Variants in EMILIN3 observed in about 807,000 individuals in gnomAD.
EMILIN3 encodes elastin microfibril interfacer 3.
In EMILIN3, 38 loss-of-function variants were observed where a neutral mutation model predicts 42.8. The observed-to-expected ratio is 0.89, with a 90% CI of 0.69 to 1.16. The LOEUF is 1.16. Ranked by LOEUF, EMILIN3 falls within the 50% of genes most tolerant of loss-of-function variation. EMILIN3 has a pLI of 0.00. For synonymous variants in EMILIN3, 430 were observed against 440.5 expected, an observed-to-expected ratio of 0.98 and a Z score of 0.30; for missense variants, 924 against 999.5, an observed-to-expected ratio of 0.92 and a Z score of 1.02.
At position 41,363,693 on chromosome 20, in the gene EMILIN3, C is replaced by A; in HGVS notation, c.459G>T (p.Gln153His). Residue 153 changes from glutamine to histidine, a missense_variant, in exon 3 of 4, where the codon CAG (glutamine) becomes CAT (histidine). By Grantham distance (24) the Gln-to-His change is conservative. Coordinates refer to ENST00000332312, the MANE Select transcript of EMILIN3 (RefSeq NM_052846.2). ...LEPEPQIPSG[Q>H]LDPGPRPPSY... is the part of the protein sequence containing the mutation. Reference sequence around the variant, plus strand: ...AAGGGGGCCTGGGGCCTGGGTCCAGCTGCCCTGAAGGAATCTGAGGCTCAG... The same window carrying A: ...AAGGGGGCCTGGGGCCTGGGTCCAGATGCCCTGAAGGAATCTGAGGCTCAG... The A allele has an allele frequency of 6.2e-7, 1 of 1,613,900 alleles. No individual in the cohort carries two copies. The highest frequency in any genetic ancestry group is 8.5e-7 in the Non-Finnish European group (1 of 1,179,966).
At chr20:41,364,955 T>C in intron 2 of EMILIN3, 80 bp downstream of exon 2, 1 of 1,585,892 alleles carries the variant, frequency 6.3e-7, no homozygotes, top group African/African-American at 1.3e-5. Flanking sequence ...CCTTGTGGAG[T>C]TGGCAGCTGC....
Position 41,362,679 on chromosome 20 carries a change from A to T in EMILIN3, c.890T>A (p.Leu297Gln). ...REAPPSPLTS[L>Q]ALLEEYVDRR... ...GTCCACGTACTCCTCCAGCAGGGCC[A>T]GGGAGGTGAGCGGGGATGGTGGGGC... The change falls in exon 4 of 4, where the codon CTG becomes CAG. Residue 297 changes from leucine (L) to glutamine (Q), a missense_variant. By Grantham distance (113) the Leu-to-Gln change is moderately radical (BLOSUM62 -2). Coordinates refer to ENST00000332312, the MANE Select transcript of EMILIN3 (RefSeq NM_052846.2). 1 of 1,612,610 alleles carries T rather than the reference A, an allele frequency of 6.2e-7. No individual in the cohort carries two copies. The highest frequency in any genetic ancestry group is 8.5e-7 in the Non-Finnish European group (1 of 1,179,972).
intron 2 of EMILIN3, among the ~76,000 whole-genome samples, chr20:41,364,434 C>G (rs1244107582): frequency 6.6e-6 from 1 of 152,182 alleles, no homozygotes; most frequent in Non-Finnish European, 1.5e-5. Flanking sequence ...GTCCAGGGTA[C>G]AGGCAGGCTC....
At chr20:41,365,805 A>G (rs911631215) in intron 1 of EMILIN3, among the ~76,000 whole-genome samples, 1 of 152,228 alleles carries the variant, frequency 6.6e-6, no homozygotes, top group African/African-American at 2.4e-5. Context: ...AACTGAGGCC[A>G]GTTCGCAAGC....
Position 41,360,116 on chromosome 20 carries a change from G to C in EMILIN3, c.*1152C>G, listed in dbSNP as rs1169332551. ...CCGTGCTGCTGTGGGGGAAACTGAGGCTGGGAGCCTCAGCAGAGACCGGTG... is the reference window on the plus strand; with the variant it reads ...CCGTGCTGCTGTGGGGGAAACTGAGCCTGGGAGCCTCAGCAGAGACCGGTG... On this transcript the variant is annotated 3_prime_UTR_variant, in exon 4 of 4. Coordinates refer to ENST00000332312, the MANE Select transcript of EMILIN3 (RefSeq NM_052846.2). The C allele has an allele frequency of 2.6e-5, 4 of 152,628 alleles. No individual in the cohort carries two copies. 9.5% of individuals were successfully genotyped at this position (152,628 alleles called of 1,614,324 possible).
rs944091366 is a variant in EMILIN3, at chr20:41,362,985, T to A, written c.584A>T (p.Gln195Leu). The change falls in exon 4 of 4, where the codon CAA becomes CTA. Residue 195 changes from glutamine (Q) to leucine (L), a missense_variant. Coordinates refer to ENST00000332312, the MANE Select transcript of EMILIN3 (RefSeq NM_052846.2). ...RLEGDVQRLA[Q>L]TYGTLSGLVA... ...CAGGCCACTGAGGGTACCATATGTT[T>A]GAGCCAGGCGCTGGACATCACCCTC... The A allele has an allele frequency of 9.9e-6, 16 of 1,611,778 alleles. 1 individual carries two copies. The highest frequency in any genetic ancestry group is 1.3e-5 in the African/African-American group (1 of 74,914).
Position 41,361,987 on chromosome 20 carries a change from C to T in EMILIN3, c.1582G>A (p.Ala528Thr). ...ETSCTPSTTS[A>T]ILDSLVAEVK... ...TCTGCCACGAGGCTGTCCAGGATGGCTGAGGTGGTGCTCGGGGTGCACGAA... is the reference window on the plus strand; with the variant it reads ...TCTGCCACGAGGCTGTCCAGGATGGTTGAGGTGGTGCTCGGGGTGCACGAA... The change falls in exon 4 of 4, where the codon GCC (alanine) becomes ACC (threonine). Residue 528 changes from alanine (A) to threonine (T), a missense_variant. Coordinates refer to ENST00000332312, the MANE Select transcript of EMILIN3 (RefSeq NM_052846.2). 6.2e-7 allele frequency: 1 copy of T among 1,611,754 alleles called. No homozygotes were observed. The highest frequency in any genetic ancestry group is 8.5e-7 in the Non-Finnish European group (1 of 1,178,332).
chr20:41,362,881 G>T lies in EMILIN3; in HGVS notation c.688C>A (p.Pro230Thr). 1 of 1,613,728 alleles carries T rather than the reference G, an allele frequency of 6.2e-7. No homozygotes were observed. Among genetic ancestry groups the T allele is most frequent in the Non-Finnish European group, 8.5e-7 (1 of 1,179,778 alleles). ...PAVPVGFGVI[P>T]EGLVGPGDRA... ...TCTCCTGGGCCCACAAGCCCCTCAGGGATGACCCCAAAGCCCACAGGGACA... is the reference window on the plus strand; with the variant it reads ...TCTCCTGGGCCCACAAGCCCCTCAGTGATGACCCCAAAGCCCACAGGGACA... The change falls in exon 4 of 4, where the codon CCT becomes ACT. Residue 230 changes from proline to threonine, a missense_variant. Pro to Thr is a conservative substitution (Grantham distance 38). Coordinates refer to ENST00000332312, the MANE Select transcript of EMILIN3 (RefSeq NM_052846.2).
At position 41,362,010 on chromosome 20, in the gene EMILIN3, G is replaced by C; in HGVS notation, c.1559C>G (p.Ser520Trp). ...LEQRLVSLET[S>W]CTPSTTSAIL... ...GGCTGAGGTGGTGCTCGGGGTGCAC[G>C]AAGTCTCCAGTGAGACCAACCGTTG... The change falls in exon 4 of 4, where the codon TCG becomes TGG. Residue 520 changes from serine (S) to tryptophan (W), a missense_variant. Transcript: ENST00000332312. 1 of 1,611,646 alleles carries C rather than the reference G, an allele frequency of 6.2e-7. No homozygotes were observed. The highest frequency in any genetic ancestry group is 8.5e-7 in the Non-Finnish European group (1 of 1,178,150).
rs747443459 is a variant in EMILIN3 at position 41,361,842 on chromosome 20, G to T, written c.1727C>A (p.Thr576Lys). Residue 576 changes from threonine (T) to lysine (K), a missense_variant, in exon 4 of 4, where the codon ACG (threonine) becomes AAG (lysine). Coordinates refer to ENST00000332312, the MANE Select transcript of EMILIN3 (RefSeq NM_052846.2). ...AEVQGQLAEG[T>K]GSSLQGEITL... Reference sequence around the variant, plus strand: ...GATCTCGCCTTGAAGTGAGCTGCCCGTCCCTTCTGCCAGCTGTCCCTGGAC... The same window carrying T: ...GATCTCGCCTTGAAGTGAGCTGCCCTTCCCTTCTGCCAGCTGTCCCTGGAC... The T allele has an allele frequency of 5.0e-6, 8 of 1,613,412 alleles. No individual in the cohort carries two copies. The highest frequency in any genetic ancestry group is 6.8e-6 in the Non-Finnish European group (8 of 1,180,054).
At chr20:41,364,221 A>T (rs1429398893) in intron 2 of EMILIN3, among the ~76,000 whole-genome samples, 2 of 152,082 alleles carry the variant, frequency 1.3e-5, no homozygotes, top group Non-Finnish European at 2.9e-5. Context: ...AGAATCAGAC[A>T]CAGCCCCAGC....
At position 41,362,365 on chromosome 20, in the gene EMILIN3, G is replaced by T; in HGVS notation, c.1204C>A (p.Leu402Met). ...NARMDGLERA[L>M]QAVTETQRGP... ...CTTTGGGTCTCGGTGACTGCCTGCAGGGCCCTCTCAAGGCCATCCATACGG... is the reference window on the plus strand; with the variant it reads ...CTTTGGGTCTCGGTGACTGCCTGCATGGCCCTCTCAAGGCCATCCATACGG... The change falls in exon 4 of 4, where the codon CTG becomes ATG. Residue 402 changes from leucine (L) to methionine (M), a missense_variant. Transcript: ENST00000332312. The T allele has an allele frequency of 6.2e-7, 1 of 1,607,452 alleles. No homozygotes were observed.
In EMILIN3 at chr20:41,366,417, G is replaced by C; in HGVS notation, c.167+51C>G. ...GGTGCGGGCAGGTGGGAGCGGCGAC[G>C]CGCGCGGGCCCATCCCTCCCTCTTC... On this transcript the variant is annotated intron_variant, in intron 1 of 3. Transcript: ENST00000332312. The surrounding 1 kb of genome is among the most constrained non-coding windows in gnomAD (Gnocchi z 4.2). The C allele has an allele frequency of 1.8e-6, 2 of 1,089,794 alleles. No individual in the cohort carries two copies. The highest frequency in any genetic ancestry group is 2.2e-6 in the Non-Finnish European group (2 of 896,406). 67.5% of individuals were successfully genotyped at this position (1,089,794 alleles called of 1,614,324 possible).
In EMILIN3 at chr20:41,362,899, C is replaced by T; in HGVS notation, c.670G>A (p.Val224Met). ...TGGPRAPAVPVGFGVIPEGLV... is the reference protein window; with the variant it reads ...TGGPRAPAVPMGFGVIPEGLV... ...CCCTCAGGGATGACCCCAAAGCCCACAGGGACAGCAGGAGCCCTGGGGCCA... is the reference window on the plus strand; with the variant it reads ...CCCTCAGGGATGACCCCAAAGCCCATAGGGACAGCAGGAGCCCTGGGGCCA... The change falls in exon 4 of 4, where the codon GTG becomes ATG. Residue 224 changes from valine to methionine, a missense_variant. By Grantham distance (21) the Val-to-Met change is conservative. Transcript: ENST00000332312. The T allele has an allele frequency of 6.2e-7, 1 of 1,613,634 alleles. No individual in the cohort carries two copies.
chr20:41,366,628 G>T lies in EMILIN3; in HGVS notation c.7C>A (p.Arg3Ser). MG[R>S]RRLLVWLCAV... ...CACAGCCAGACGAGCAGGCGGCGGC[G>T]GCCCATAGCGGCCCCCGCGCCTCTG... The change falls in exon 1 of 4, where the codon CGC (arginine) becomes AGC (serine). Residue 3 changes from arginine (R) to serine (S), a missense_variant. Transcript: ENST00000332312. The surrounding 1 kb of genome is among the most constrained non-coding windows in gnomAD (Gnocchi z 4.2). 1 of 1,050,626 alleles carries T rather than the reference G, an allele frequency of 9.5e-7. No individual in the cohort carries two copies. Among genetic ancestry groups the T allele is most frequent in the South Asian group, 4.4e-5 (1 of 22,678 alleles). The allele number at this position is 1,050,626 out of a possible 1,614,324, so 65.1% of individuals were successfully genotyped here. A position where few individuals can be genotyped will look rare whatever the true frequency, so the allele number is the denominator to read the frequency against.
In EMILIN3 at chr20:41,366,710, C is replaced by A. The variant is rs2046396578; in HGVS notation, c.-76G>T. On this transcript the variant is annotated 5_prime_UTR_variant, in exon 1 of 4. Transcript: ENST00000332312. This position sits in a 1 kb window ranked among gnomAD's most constrained non-coding sequence, Gnocchi z 4.2. ...TCCGCCTGCAGCGCCGCGCCGCCCC[C>A]GCCGCTGGTCGGCCCGGGTCCCGCC... The A allele has an allele frequency of 1.1e-6, 1 of 931,976 alleles. No individual in the cohort carries two copies. The highest frequency in any genetic ancestry group is 4.9e-5 in the South Asian group (1 of 20,518). The allele number at this position is 931,976 out of a possible 1,614,324, so 57.7% of individuals were successfully genotyped here.
Position 41,363,672 on chromosome 20 carries a change from G to A in EMILIN3, c.480C>T (p.Pro160=). The change falls in exon 3 of 4, where the codon CCC becomes CCT. Residue 160 remains proline (P), a synonymous_variant. Coordinates refer to ENST00000332312, the MANE Select transcript of EMILIN3 (RefSeq NM_052846.2). The part of the protein sequence containing the change: ...PSGQLDPGPR[P]PSYSRAAPSP... ...TGGGGGCTGCTCTGCTGTAGGAAGG[G>A]GGCCTGGGGCCTGGGTCCAGCTGCC... 1 of 1,613,304 alleles carries A rather than the reference G, an allele frequency of 6.2e-7. No individual in the cohort carries two copies. Among genetic ancestry groups the A allele is most frequent in the East Asian group, 2.2e-5 (1 of 44,864 alleles).
Position 41,361,646 on chromosome 20 carries a change from G to T in EMILIN3, c.1923C>A (p.Gly641=), listed in dbSNP as rs978106809. 9 of 1,606,758 alleles carry T rather than the reference G, an allele frequency of 5.6e-6. No homozygotes were observed. The highest frequency in any genetic ancestry group is 6.8e-6 in the Non-Finnish European group (8 of 1,176,714). Residue 641 remains glycine (G), a synonymous_variant, in exon 4 of 4, where the codon GGC becomes GGA. Transcript: ENST00000332312. The part of the protein sequence containing the change: ...QAIQEQVSSQ[G]SRLQAGHRQV... ...GCCTGTGGCCAGCCTGAAGCCTGGA[G>T]CCTTGGCTGCTGACCTGCTCCTGGA...
At chr20:41,364,358 G>A (rs954152510) in intron 2 of EMILIN3, among the ~76,000 whole-genome samples, 2 of 152,136 alleles carry the variant, frequency 1.3e-5, no homozygotes, top group African/African-American at 2.4e-5. Flanking sequence ...AGCCTGCTCC[G>A]GGACCTCGGC....
Sources: gnomAD v4.1 joint callset for allele counts (sites outside exome capture counted in the v4.1 genomes callset) on GRCh38, gnomAD v4.1.1 for gene constraint, Gnocchi (gnomAD v3.1) non-coding constraint, MANE v1.5 for transcripts, NCBI Gene and HGNC (gene_info 2026-07-23, HGNC 2026-07-21) for gene names.